Variants in DAB1 observed in about 807,000 individuals in gnomAD.
DAB1 encodes disabled homolog 1.
In DAB1, 15 loss-of-function variants were observed where a neutral mutation model predicts 64.6. The ratio of observed to expected loss-of-function variants is 0.23; its 90% CI spans 0.16 to 0.36. The LOEUF (loss-of-function observed/expected upper bound fraction) is 0.36, where lower values mean the gene tolerates loss of function less well. Among genes scored for constraint, DAB1 ranks in the 10% least tolerant of loss-of-function variants. The pLI, the probability that DAB1 is intolerant of heterozygous loss-of-function variation, is 1.00. For missense variants in DAB1, 596 were observed against 706.7 expected (o/e 0.84, Z 1.78); for synonymous variants, 235 against 251.9 (o/e 0.93, Z 0.64).
At chr1:58,167,182 T>C (rs970424244) in intron 4 of DAB1, among the ~76,000 whole-genome samples, 7 of 152,252 alleles carry the variant, frequency 4.6e-5, no homozygotes, top group Non-Finnish European at 1.0e-4. Flanking sequence ...CCAGCTGGGC[T>C]TCTGGGTCAG....
intron 5 of DAB1, among the ~76,000 whole-genome samples, chr1:58,102,244 G>A (rs1259658147): frequency 1.3e-5 from 2 of 152,218 alleles, no homozygotes; most frequent in African/African-American, 2.4e-5. Flanking sequence ...CTCAATGGGT[G>A]CACAGTATGC....
intron 3 of DAB1, among the ~76,000 whole-genome samples, chr1:58,426,980 T>C (rs892104968): frequency 3.9e-5 from 6 of 152,152 alleles, no homozygotes; most frequent in African/African-American, 1.4e-4. Context: ...GGTGAGGGCA[T>C]ATTCACCTTT....
At chr1:58,121,267 G>C (rs1220505600) in intron 5 of DAB1, among the ~76,000 whole-genome samples, 1 of 152,114 alleles carries the variant, frequency 6.6e-6, no homozygotes, top group African/African-American at 2.4e-5. Context: ...CACTCCCAAT[G>C]CCAAATCTTT....
intron 5 of DAB1, among the ~76,000 whole-genome samples, chr1:58,030,293 GT>G (rs1399821151): frequency 2.0e-5 from 3 of 152,098 alleles, no homozygotes; most frequent in Non-Finnish European, 4.4e-5. Flanking sequence ...GAAAAGAAAT[GT>G]GTTAAATATT....
chr1:57,580,930 T>C (rs550677235), intron 7 of DAB1, among the ~76,000 whole-genome samples: 1 of 152,114 alleles, frequency 6.6e-6, no homozygotes, highest in African/African-American at 2.4e-5. Flanking sequence ...CCTGGCTGAG[T>C]TCAGATAAGG....
intron 8 of DAB1, among the ~76,000 whole-genome samples, chr1:57,068,287 G>T (rs1651119642): frequency 6.6e-6 from 1 of 151,996 alleles, no homozygotes; most frequent in Non-Finnish European, 1.5e-5. Flanking sequence ...AAAGATACTT[G>T]GTAAGCCACA....
intron 4 of DAB1, among the ~76,000 whole-genome samples, chr1:58,275,701 G>T (rs556388602): frequency 6.6e-6 from 1 of 152,296 alleles, no homozygotes; most frequent in South Asian, 2.1e-4. Flanking sequence ...GAGTGAAGAA[G>T]TTGAAAGCCT....
chr1:58,525,382 A>C (rs1241745028), intron 2 of DAB1, among the ~76,000 whole-genome samples: 1 of 152,164 alleles, frequency 6.6e-6, no homozygotes, highest in African/African-American at 2.4e-5. Flanking sequence ...TACAGATTGG[A>C]AAGGAAGAAA....
intron 4 of DAB1, among the ~76,000 whole-genome samples, chr1:58,287,166 GC>G (rs1362249772): frequency 6.6e-6 from 1 of 152,112 alleles, no homozygotes; most frequent in African/African-American, 2.4e-5. Context: ...GCCTGTTAGG[GC>G]TGGAGGGAGG....
At chr1:57,436,137 G>A (rs1336365892) in intron 7 of DAB1, among the ~76,000 whole-genome samples, 2 of 151,918 alleles carry the variant, frequency 1.3e-5, no homozygotes, top group Non-Finnish European at 2.9e-5. Context: ...GGCTGGTCTC[G>A]AACTCCTGAC....
At chr1:58,422,021 T>C (rs1403359734) in intron 3 of DAB1, among the ~76,000 whole-genome samples, 1 of 151,796 alleles carries the variant, frequency 6.6e-6, no homozygotes, top group African/African-American at 2.4e-5. Context: ...GGATATGATG[T>C]CTGAGTTCTG....
chr1:57,289,158 T>C (rs1672568789), intron 2 of DAB1, among the ~76,000 whole-genome samples: 2 of 152,190 alleles, frequency 1.3e-5, no homozygotes, highest in Non-Finnish European at 1.5e-5. Context: ...CTTCATGCTC[T>C]CATCCCAAAT....
upstream of DAB1, among the ~76,000 whole-genome samples, chr1:57,888,049 A>T (rs149620625): frequency 3.9e-3 from 590 of 152,280 alleles, 2 homozygotes; most frequent in African/African-American, 0.012. Context: ...ATATTGCAAA[A>T]CACTTCTTGC....
At chr1:57,139,056 C>G (rs544328920) in intron 3 of DAB1, among the ~76,000 whole-genome samples, 2 of 152,234 alleles carry the variant, frequency 1.3e-5, no homozygotes, top group African/African-American at 4.8e-5. Context: ...ATGTTACTAT[C>G]CCTTTCCACC....
intron 4 of DAB1, among the ~76,000 whole-genome samples, chr1:58,192,404 C>T (rs1657435118): frequency 6.6e-6 from 1 of 152,116 alleles, no homozygotes; most frequent in Admixed American, 6.6e-5. Context: ...AATTTTTCAA[C>T]CCTCACCTCT....
chr1:57,245,748 G>C (rs1273992901), intron 2 of DAB1, among the ~76,000 whole-genome samples: 2 of 152,218 alleles, frequency 1.3e-5, no homozygotes, highest in Non-Finnish European at 2.9e-5. Context: ...ACATACTTGT[G>C]CATGTGTCTT....
chr1:57,356,857 G>A (rs1679149735), intron 1 of DAB1, among the ~76,000 whole-genome samples: 1 of 151,942 alleles, frequency 6.6e-6, no homozygotes, highest in South Asian at 2.1e-4. Context: ...CATCTTAAGA[G>A]AAGAAAGCCA....
At chr1:57,532,701 C>T (rs1327952907) in intron 7 of DAB1, among the ~76,000 whole-genome samples, 1 of 152,164 alleles carries the variant, frequency 6.6e-6, no homozygotes, top group Non-Finnish European at 1.5e-5. Flanking sequence ...TCAAATAGCT[C>T]TTGCTGAAAT....
At chr1:57,361,532 A>T (rs1175850863) in intron 1 of DAB1, among the ~76,000 whole-genome samples, 1 of 152,122 alleles carries the variant, frequency 6.6e-6, no homozygotes, top group Admixed American at 6.6e-5. Context: ...GCCAATATCT[A>T]AGGTAGATGG....
Sources: gnomAD v4.1 joint callset for allele counts (sites outside exome capture counted in the v4.1 genomes callset) on GRCh38, gnomAD v4.1.1 for gene constraint, MANE v1.5 for transcripts, NCBI Gene and HGNC (gene_info 2026-07-23, HGNC 2026-07-21) for gene names.